Variants in XPO1 observed in about 807,000 individuals in gnomAD.
XPO1 encodes the protein exportin-1.
Under a neutral mutation model 133.3 loss-of-function variants are expected in XPO1, and 5 were observed. That is an observed-to-expected ratio of 0.04 (90% CI 0.02 to 0.08). The LOEUF is 0.08. Ranked by LOEUF, XPO1 falls within the 10% of genes least tolerant of loss-of-function variation. The probability of loss-of-function intolerance (pLI) is 1.00; values close to 1 mark genes in which losing one functional copy is unlikely to be tolerated. For missense variants in XPO1, 506 were observed against 1,267.5 expected, an observed-to-expected ratio of 0.40 and a Z score of 9.12; for synonymous variants, 419 against 408.2, an observed-to-expected ratio of 1.03 and a Z score of -0.32.
At chr2:61,515,045 G>A (rs914931223) in intron 4 of XPO1, among the ~76,000 whole-genome samples, 4 of 148,710 alleles carry the variant, frequency 2.7e-5, no homozygotes, top group Admixed American at 1.4e-4. Context: ...CTCCAGCCTG[G>A]GCGACAGAGT....
At chr2:61,518,469 T>C (rs539617170) in intron 4 of XPO1, among the ~76,000 whole-genome samples, 1 of 136,440 alleles carries the variant, frequency 7.3e-6, no homozygotes, top group East Asian at 2.1e-4. Context: ...CACACAAAGT[T>C]AGCCGGGCGT....
At chr2:61,499,991 G>A in intron 6 of XPO1, 97 bp from the exon 7 acceptor site, 1 of 1,200,538 alleles carries the variant, frequency 8.3e-7, no homozygotes, top group South Asian at 1.4e-5. Flanking sequence ...GCAGGAGTAA[G>A]GATAAATCAC....
intron 4 of XPO1, among the ~76,000 whole-genome samples, chr2:61,517,032 TA>T (rs1698426177): frequency 6.6e-6 from 1 of 152,110 alleles, no homozygotes; most frequent in Non-Finnish European, 1.5e-5. Flanking sequence ...GCCTCTCAAT[TA>T]GCTGGGATTA....
At position 61,478,051 on chromosome 2, in the gene XPO1, T is replaced by G; in HGVS notation, c.*769A>C. ...AAGCCAGAGTTGTTTTGTTTTTTAA[T>G]GAGTTGTTAAAAAGATGCAGCCTAT... On this transcript the variant is annotated 3_prime_UTR_variant, in exon 25 of 25. Coordinates refer to ENST00000401558, the MANE Select transcript of XPO1 (RefSeq NM_003400.4). The G allele has an allele frequency of 4.3e-6, 1 of 230,978 alleles. No homozygotes were observed. The allele number at this position is 230,978 out of a possible 1,614,324, so 14.3% of individuals were successfully genotyped here. A position where few individuals can be genotyped will look rare whatever the true frequency, so the allele number is the denominator to read the frequency against.
In XPO1 at chr2:61,482,844, C is replaced by T. The variant is rs191090500; in HGVS notation, c.2812+113G>A. 517 of 1,296,386 alleles carry T rather than the reference C, an allele frequency of 4.0e-4. 2 individuals carry two copies. Among genetic ancestry groups the T allele is most frequent in the Non-Finnish European group, 2.7e-4 (251 of 936,448 alleles). 80.3% of individuals were successfully genotyped at this position (1,296,386 alleles called of 1,614,324 possible). A position where few individuals can be genotyped will look rare whatever the true frequency, so the allele number is the denominator to read the frequency against. On this transcript the variant is annotated intron_variant, in intron 22 of 24. Coordinates refer to ENST00000401558, the MANE Select transcript of XPO1 (RefSeq NM_003400.4). ...TTCACCATGGTGGCCAGGCTGTTCT[C>T]GAACTCCTGACCTCATAATCTCCCC... is the stretch of plus-strand genomic sequence containing the variant.
intron 3 of XPO1, 198 bp downstream of exon 3, chr2:61,526,222 C>A: frequency 7.2e-7 from 1 of 1,381,968 alleles, no homozygotes; most frequent in South Asian, 1.7e-5. Flanking sequence ...GCATACTAGT[C>A]CCATTACAAA....
intron 2 of XPO1, among the ~76,000 whole-genome samples, chr2:61,531,924 T>C (rs191108636): frequency 6.6e-6 from 1 of 152,018 alleles, no homozygotes; most frequent in South Asian, 2.1e-4. Context: ...ACTGCAAGAG[T>C]AATTTTTTCT....
intron 3 of XPO1, among the ~76,000 whole-genome samples, chr2:61,523,994 C>T (rs1698805824): frequency 6.6e-6 from 1 of 152,176 alleles, no homozygotes; most frequent in East Asian, 1.9e-4. Context: ...AATAGTGATG[C>T]TTTCTAACCT....
chr2:61,525,790 T>A, intron 3 of XPO1: 1 of 1,034,646 alleles, frequency 9.7e-7, no homozygotes, highest in Non-Finnish European at 1.2e-6. Flanking sequence ...GGCTATCTTC[T>A]GTTTTAACAC....
Position 61,538,318 on chromosome 2 carries a change from G to C in XPO1, c.-763C>G, listed in dbSNP as rs892154526. On this transcript the variant is annotated 5_prime_UTR_variant, in exon 1 of 25. Transcript: ENST00000401558. Reference sequence around the variant, plus strand: ...CAGACTGGGAGATTCCATCTCGGTTGAGTTTTCAGCCCATGGCGCCGCGGA... The same window carrying C: ...CAGACTGGGAGATTCCATCTCGGTTCAGTTTTCAGCCCATGGCGCCGCGGA... The C allele has an allele frequency of 6.3e-6, 1 of 158,168 alleles. No individual in the cohort carries two copies. The highest frequency in any genetic ancestry group is 2.4e-5 in the African/African-American group (1 of 41,560). 9.8% of individuals were successfully genotyped at this position (158,168 alleles called of 1,614,324 possible). A position where few individuals can be genotyped will look rare whatever the true frequency, so the allele number is the denominator to read the frequency against.
intron 11 of XPO1, 65 bp downstream of exon 11, chr2:61,495,390 G>A (rs202184219): frequency 8.0e-7 from 1 of 1,250,802 alleles, no homozygotes; most frequent in Non-Finnish European, 1.1e-6. Flanking sequence ...TTTAGAAAAA[G>A]GCACTTTTAA....
intron 4 of XPO1, among the ~76,000 whole-genome samples, chr2:61,520,679 A>C (rs895378179): frequency 1.3e-5 from 2 of 152,182 alleles, no homozygotes; most frequent in African/African-American, 4.8e-5. Context: ...AAATTTTTTA[A>C]ATTAATTTTG....
chr2:61,519,143 G>C (rs1002116800), intron 4 of XPO1, among the ~76,000 whole-genome samples: 1 of 152,032 alleles, frequency 6.6e-6, no homozygotes, highest in African/African-American at 2.4e-5. Flanking sequence ...TAGAGATAGG[G>C]TTTCTCCATG....
intron 4 of XPO1, among the ~76,000 whole-genome samples, chr2:61,510,084 A>G (rs1698013807): frequency 6.6e-6 from 1 of 152,136 alleles, no homozygotes; most frequent in South Asian, 2.1e-4. Flanking sequence ...GTTTGAGACC[A>G]GCCAGGCCAA....
At chr2:61,505,070 G>GTA (rs1186088588) in intron 4 of XPO1, among the ~76,000 whole-genome samples, 1 of 152,208 alleles carries the variant, frequency 6.6e-6, no homozygotes, top group Non-Finnish European at 1.5e-5. Flanking sequence ...GAATGCAGTG[G>GTA]TGCCATCACA....
At chr2:61,506,455 C>T (rs965860212) in intron 4 of XPO1, among the ~76,000 whole-genome samples, 2 of 151,504 alleles carry the variant, frequency 1.3e-5, no homozygotes, top group Admixed American at 6.6e-5. Context: ...AACTGTAGGC[C>T]AGGAGCAGTG....
intron 11 of XPO1, among the ~76,000 whole-genome samples, chr2:61,495,040 C>G (rs1697179482): frequency 6.6e-6 from 1 of 151,870 alleles, no homozygotes. Context: ...GACAGAGATT[C>G]ACGATGTAGG....
Position 61,535,807 on chromosome 2 carries a change from T to G in XPO1, c.-7+1755A>C, listed in dbSNP as rs1042638077. 2.6e-5 allele frequency among the ~76,000 whole-genome samples: 4 copies of G among 152,202 alleles called. No homozygotes were observed. In the South Asian group the frequency reaches 8.3e-4, roughly 32 times the overall value. ...ACTTGTTACACACCACAAAAAAACCTTAAGATCTAAATACTGAGAGGAAAT... is the reference window on the plus strand; with the variant it reads ...ACTTGTTACACACCACAAAAAAACCGTAAGATCTAAATACTGAGAGGAAAT... On this transcript the variant is annotated intron_variant, in intron 1 of 24. Coordinates refer to ENST00000401558, the MANE Select transcript of XPO1 (RefSeq NM_003400.4).
At chr2:61,511,187 A>T (rs542425174) in intron 4 of XPO1, among the ~76,000 whole-genome samples, 1 of 152,040 alleles carries the variant, frequency 6.6e-6, no homozygotes, top group Non-Finnish European at 1.5e-5. Context: ...GCAATGGCGC[A>T]ATCTCGGCTC....
Sources: gnomAD v4.1 joint callset for allele counts (sites outside exome capture counted in the v4.1 genomes callset) on GRCh38, gnomAD v4.1.1 for gene constraint, MANE v1.5 for transcripts, NCBI Gene and HGNC (gene_info 2026-07-23, HGNC 2026-07-21) for gene names.